The following GPC5 variants were observed in gnomAD, a reference collection of about 807,000 sequenced individuals.
The protein encoded by GPC5 is glypican 5, also known as glypican-5.
In GPC5, 47 loss-of-function variants were observed where a neutral mutation model predicts 53.9. The observed-to-expected ratio is 0.87, with a 90% confidence interval of 0.69 to 1.11. The LOEUF (loss-of-function observed/expected upper bound fraction) is 1.11, where lower values mean the gene tolerates loss of function less well. Among genes scored for constraint, GPC5 ranks in the 50% most tolerant of loss-of-function variants. The pLI is 0.00. For synonymous variants in GPC5, 286 were observed against 263.3 expected (o/e 1.09, Z -0.84); for missense variants, 748 against 713.1 (o/e 1.05, Z -0.56).
At chr13:91,557,363 C>A (rs1340263221) in intron 2 of GPC5, among the ~76,000 whole-genome samples, 2 of 152,130 alleles carry the variant, frequency 1.3e-5, no homozygotes, top group Non-Finnish European at 2.9e-5. Flanking sequence ...AACAATTTAT[C>A]TCTTCTCTTT....
intron 7 of GPC5, among the ~76,000 whole-genome samples, chr13:92,199,873 G>A (rs930303013): frequency 5.3e-5 from 8 of 151,946 alleles, no homozygotes; most frequent in South Asian, 2.1e-4. Flanking sequence ...ATATAACATC[G>A]TGTCTCAGGA....
At chr13:92,585,570 G>A (rs1274992464) in intron 7 of GPC5, among the ~76,000 whole-genome samples, 1 of 152,154 alleles carries the variant, frequency 6.6e-6, no homozygotes, top group Admixed American at 6.5e-5. Context: ...ATAGGCTTTT[G>A]AGTAATGCTG....
intron 7 of GPC5, among the ~76,000 whole-genome samples, chr13:92,649,447 A>G (rs1885884712): frequency 1.3e-5 from 2 of 152,138 alleles, no homozygotes; most frequent in Admixed American, 6.6e-5. Flanking sequence ...TTGATTGTCT[A>G]TAAAATTGTG....
intron 2 of GPC5, among the ~76,000 whole-genome samples, chr13:91,459,901 T>G (rs904791185): frequency 6.6e-6 from 1 of 152,134 alleles, no homozygotes; most frequent in Non-Finnish European, 1.5e-5. Context: ...ATATTTAGCA[T>G]AATTTAAGAG....
intron 2 of GPC5, among the ~76,000 whole-genome samples, chr13:91,505,190 G>A (rs904498198): frequency 1.3e-5 from 2 of 152,022 alleles, no homozygotes; most frequent in African/African-American, 4.8e-5. Context: ...GATAAAAGTA[G>A]CTAGGAAGAT....
intron 7 of GPC5, among the ~76,000 whole-genome samples, chr13:92,372,149 C>A (rs964963425): frequency 6.6e-6 from 1 of 152,154 alleles, no homozygotes; most frequent in African/African-American, 2.4e-5. Context: ...TTGCGACACT[C>A]TAGGCAGAGC....
intron 6 of GPC5, among the ~76,000 whole-genome samples, chr13:92,144,424 A>G (rs905575375): frequency 1.3e-5 from 2 of 152,212 alleles, no homozygotes; most frequent in Non-Finnish European, 1.5e-5. Flanking sequence ...TTCTTCAGAA[A>G]TACGGAGTGT....
At chr13:92,160,391 C>T (rs1041576657) in intron 7 of GPC5, among the ~76,000 whole-genome samples, 2 of 152,140 alleles carry the variant, frequency 1.3e-5, no homozygotes, top group African/African-American at 2.4e-5. Flanking sequence ...TTCTAGTCTT[C>T]GGGTGCGGGG....
At chr13:91,583,161 A>G (rs1449719806) in intron 2 of GPC5, among the ~76,000 whole-genome samples, 1 of 152,214 alleles carries the variant, frequency 6.6e-6, no homozygotes, top group Non-Finnish European at 1.5e-5. Flanking sequence ...TGGAAAGGAG[A>G]AAATTATGTT....
intron 6 of GPC5, among the ~76,000 whole-genome samples, chr13:91,927,197 AT>A (rs1181470406): frequency 1.3e-5 from 2 of 152,162 alleles, no homozygotes; most frequent in Non-Finnish European, 2.9e-5. Context: ...AATGAGATGG[AT>A]TTTTGTGCTC....
chr13:92,756,056 A>C (rs1056270524), intron 7 of GPC5, among the ~76,000 whole-genome samples: 2 of 152,058 alleles, frequency 1.3e-5, no homozygotes, highest in Non-Finnish European at 2.9e-5. Flanking sequence ...AATATCCTTG[A>C]TGAACATTGA....
intron 7 of GPC5, among the ~76,000 whole-genome samples, chr13:92,845,973 G>GCTTCACAAA (rs1056744207): frequency 6.6e-6 from 1 of 152,036 alleles, no homozygotes; most frequent in African/African-American, 2.4e-5. Context: ...ATGGCTCTAA[G>GCTTCACAAA]CTTCACAAAC....
At chr13:91,513,200 T>G (rs1357512125) in intron 2 of GPC5, among the ~76,000 whole-genome samples, 3 of 152,246 alleles carry the variant, frequency 2.0e-5, no homozygotes, top group African/African-American at 7.2e-5. Flanking sequence ...CACAGGCCGT[T>G]GTAAGTAGTA....
chr13:91,478,902 T>C (rs1298346457), intron 2 of GPC5, among the ~76,000 whole-genome samples: 1 of 90,296 alleles, frequency 1.1e-5, no homozygotes, highest in Non-Finnish European at 2.1e-5. Context: ...TATATATATA[T>C]GCACATATAT....
intron 5 of GPC5, among the ~76,000 whole-genome samples, chr13:91,884,745 C>T (rs774670811): frequency 1.3e-5 from 2 of 152,130 alleles, no homozygotes; most frequent in Non-Finnish European, 2.9e-5. Context: ...CACTAGGAAC[C>T]GTCAAGTTAG....
intron 6 of GPC5, among the ~76,000 whole-genome samples, chr13:92,082,787 T>A (rs1383336555): frequency 6.6e-6 from 1 of 152,200 alleles, no homozygotes; most frequent in Non-Finnish European, 1.5e-5. Context: ...TCAGATATAC[T>A]ACCAGGTTAT....
chr13:91,866,709 G>A (rs762677994), intron 5 of GPC5, among the ~76,000 whole-genome samples: 1 of 152,080 alleles, frequency 6.6e-6, no homozygotes, highest in Non-Finnish European at 1.5e-5. Context: ...TTCCTTTATA[G>A]CAATGAGATG....
At chr13:91,686,128 C>T (rs978102092) in intron 2 of GPC5, among the ~76,000 whole-genome samples, 1 of 151,964 alleles carries the variant, frequency 6.6e-6, no homozygotes, top group Non-Finnish European at 1.5e-5. Context: ...ATTCATGAAA[C>T]AATCAATGGT....
At chr13:92,053,717 A>G (rs2041049711) in intron 6 of GPC5, among the ~76,000 whole-genome samples, 1 of 151,994 alleles carries the variant, frequency 6.6e-6, no homozygotes, top group Admixed American at 6.6e-5. Flanking sequence ...ATATGTGTTC[A>G]TTGCCTTATG....
Sources: gnomAD v4.1 joint callset for allele counts (sites outside exome capture counted in the v4.1 genomes callset) on GRCh38, gnomAD v4.1.1 for gene constraint, MANE v1.5 for transcripts, NCBI Gene and HGNC (gene_info 2026-07-23, HGNC 2026-07-21) for gene names.